Variants in QKI observed in about 807,000 individuals in gnomAD.
QKI encodes the protein QKI, KH domain containing RNA binding, also known as KH domain-containing RNA-binding protein QKI.
In QKI, 10 loss-of-function variants were observed where a neutral mutation model predicts 39.0. That is an observed-to-expected ratio of 0.26 (90% CI 0.16 to 0.43). The LOEUF is 0.43. Among genes scored for constraint, QKI ranks in the 20% least tolerant of loss-of-function variants. The pLI, the probability that QKI is intolerant of heterozygous loss-of-function variation, is 1.00. For synonymous variants in QKI, 204 were observed against 155.4 expected (o/e 1.31, Z -2.33); for missense variants, 218 against 428.0 (o/e 0.51, Z 4.33).
chr6:163,560,921 G>T (rs758861121), intron 4 of QKI, among the ~76,000 whole-genome samples: 1 of 152,130 alleles, frequency 6.6e-6, no homozygotes, highest in Non-Finnish European at 1.5e-5. Context: ...AAGGTAAATG[G>T]GGTGGCCAAA....
At chr6:163,425,653 T>C (rs1451348505) in intron 1 of QKI, among the ~76,000 whole-genome samples, 1 of 152,222 alleles carries the variant, frequency 6.6e-6, no homozygotes, top group Non-Finnish European at 1.5e-5. Context: ...TATTTTAAAC[T>C]CCTTAAAGAT....
At chr6:163,419,913 T>G (rs1787852214) in intron 1 of QKI, among the ~76,000 whole-genome samples, 1 of 152,190 alleles carries the variant, frequency 6.6e-6, no homozygotes, top group East Asian at 1.9e-4. Context: ...TTTATGCACA[T>G]TATATTTCTG....
At chr6:163,438,844 TA>T (rs1468332358) in intron 1 of QKI, among the ~76,000 whole-genome samples, 3 of 152,112 alleles carry the variant, frequency 2.0e-5, no homozygotes, top group Admixed American at 2.0e-4. Context: ...TTTTCTTAAG[TA>T]ATAAATTAAC....
chr6:163,460,023 G>T (rs954487327), intron 2 of QKI, among the ~76,000 whole-genome samples: 1 of 152,134 alleles, frequency 6.6e-6, no homozygotes, highest in Non-Finnish European at 1.5e-5. Context: ...CATTAAATTT[G>T]CCTAGTTATC....
intron 3 of QKI, among the ~76,000 whole-genome samples, chr6:163,493,424 C>T (rs999553323): frequency 9.9e-5 from 15 of 152,216 alleles, no homozygotes; most frequent in Admixed American, 2.6e-4. Context: ...CCACCGTGCC[C>T]AGCCTACAAT....
intron 1 of QKI, among the ~76,000 whole-genome samples, chr6:163,440,408 C>T (rs945369969): frequency 6.6e-6 from 1 of 152,188 alleles, no homozygotes; most frequent in African/African-American, 2.4e-5. Flanking sequence ...GTAAGGGAAT[C>T]TACCTGATAA....
chr6:163,528,427 A>C (rs956298108), intron 3 of QKI, among the ~76,000 whole-genome samples: 1 of 152,074 alleles, frequency 6.6e-6, no homozygotes, highest in African/African-American at 2.4e-5. Flanking sequence ...GCATGCTGTA[A>C]AGTTGCTCTG....
In QKI at chr6:163,577,119, C is replaced by A. The variant is rs1468332888; in HGVS notation, c.*6409C>A. On this transcript the variant is annotated 3_prime_UTR_variant, in exon 8 of 8. Coordinates refer to ENST00000361752, the MANE Select transcript of QKI (RefSeq NM_006775.3). ...AAAATCATTTCCAGTAGTGTGAAAC[C>A]TTTACGAGTCTTTAACATCTAAATG... The A allele has an allele frequency of 6.6e-6, 1 of 152,086 alleles. No individual in the cohort carries two copies. Among genetic ancestry groups the A allele is most frequent in the Non-Finnish European group, 1.5e-5 (1 of 68,010 alleles). The allele number at this position is 152,086 out of a possible 1,614,324, so 9.4% of individuals were successfully genotyped here. A position where few individuals can be genotyped will look rare whatever the true frequency, so the allele number is the denominator to read the frequency against.
intron 1 of QKI, among the ~76,000 whole-genome samples, chr6:163,434,968 C>T (rs1327284204): frequency 6.6e-6 from 1 of 151,872 alleles, no homozygotes; most frequent in African/African-American, 2.4e-5. Flanking sequence ...GTAAAATAAA[C>T]CATTAACTTT....
chr6:163,478,873 G>A lies in QKI; in HGVS notation c.379G>A (p.Gly127Ser), dbSNP rs753238551. The stretch of plus-strand genomic sequence containing the variant: ...ATGTAAAATCATGGTCCGAGGCAAA[G>A]GCTCAATGAGGGATAAAAAAAAGGT... ...TGCKIMVRGK[G>S]SMRDKKKEEQ... The change falls in exon 3 of 8, where the codon GGC becomes AGC. Residue 127 changes from glycine (G) to serine (S), a missense_variant. Transcript: ENST00000361752. 6.2e-7 allele frequency: 1 copy of A among 1,612,192 alleles called. No individual in the cohort carries two copies. Among genetic ancestry groups the A allele is most frequent in the African/African-American group, 1.3e-5 (1 of 74,704 alleles).
chr6:163,494,866 G>A (rs553243744), intron 3 of QKI, among the ~76,000 whole-genome samples: 2 of 151,894 alleles, frequency 1.3e-5, no homozygotes, highest in Non-Finnish European at 2.9e-5. Context: ...GTTAACTGCT[G>A]TTGGCTGTTG....
At chr6:163,566,980 T>C in intron 7 of QKI, 185 bp downstream of exon 7, 1 of 1,363,168 alleles carries the variant, frequency 7.3e-7, no homozygotes, top group African/African-American at 1.5e-5. Flanking sequence ...TGGTTTTTTC[T>C]CCCTTCATAT....
At chr6:163,569,232 C>T (rs536845528) in intron 7 of QKI, 2 of 967,478 alleles carry the variant, frequency 2.1e-6, no homozygotes, top group East Asian at 1.1e-4. Context: ...GATTTGGTCA[C>T]ATTGAAGATA....
intron 2 of QKI, among the ~76,000 whole-genome samples, chr6:163,473,445 A>G (rs1466604481): frequency 6.6e-6 from 1 of 152,188 alleles, no homozygotes; most frequent in Non-Finnish European, 1.5e-5. Flanking sequence ...AATTATGGTC[A>G]TTTTTGAAAT....
chr6:163,515,578 C>T (rs1274200732), intron 3 of QKI, among the ~76,000 whole-genome samples: 1 of 152,106 alleles, frequency 6.6e-6, no homozygotes, highest in Admixed American at 6.5e-5. Flanking sequence ...TGATTTAACA[C>T]ATACTACATC....
intron 2 of QKI, among the ~76,000 whole-genome samples, chr6:163,462,566 A>G (rs973744106): frequency 6.6e-6 from 1 of 152,226 alleles, no homozygotes; most frequent in African/African-American, 2.4e-5. Flanking sequence ...GATTGCATAT[A>G]AATAGTATAA....
intron 2 of QKI, among the ~76,000 whole-genome samples, chr6:163,462,126 T>A (rs961684095): frequency 3.3e-5 from 5 of 152,196 alleles, no homozygotes; most frequent in African/African-American, 1.2e-4. Context: ...TAATTTTTGT[T>A]TTGTTTTATC....
intron 3 of QKI, among the ~76,000 whole-genome samples, chr6:163,493,388 CA>C (rs1319410390): frequency 1.3e-5 from 2 of 152,170 alleles, no homozygotes; most frequent in Non-Finnish European, 2.9e-5. Flanking sequence ...CTCGGCCTCC[CA>C]AAGTGCTGGA....
At chr6:163,447,191 A>T (rs973199463) in intron 1 of QKI, among the ~76,000 whole-genome samples, 1 of 138,192 alleles carries the variant, frequency 7.2e-6, no homozygotes, top group African/African-American at 2.7e-5. Context: ...TATTTTTTTG[A>T]TTTACCTTTT....
Sources: gnomAD v4.1 joint callset for allele counts (sites outside exome capture counted in the v4.1 genomes callset) on GRCh38, gnomAD v4.1.1 for gene constraint, MANE v1.5 for transcripts, NCBI Gene and HGNC (gene_info 2026-07-23, HGNC 2026-07-21) for gene names.